The following SNRPN variants were observed in gnomAD, a reference collection of about 807,000 sequenced individuals.
The protein encoded by SNRPN is small nuclear ribonucleoprotein polypeptide N, also known as small nuclear ribonucleoprotein-associated protein N.
SNRPN carries 7 observed loss-of-function variants against 25.2 expected under a neutral mutation model. The ratio of observed to expected loss-of-function variants is 0.28; its 90% confidence interval spans 0.16 to 0.52. SNRPN has a LOEUF of 0.52. Ranked by LOEUF, SNRPN falls within the 20% of genes least tolerant of loss-of-function variation. The probability of loss-of-function intolerance (pLI) is 0.96; values close to 1 mark genes in which losing one functional copy is unlikely to be tolerated. For missense variants in SNRPN, 196 were observed against 322.5 expected (o/e 0.61, Z 3.00); for synonymous variants, 124 against 110.6 (o/e 1.12, Z -0.76).
upstream of SNRPN, among the ~76,000 whole-genome samples, chr15:24,852,650 C>T (rs1190472491): frequency 6.6e-6 from 1 of 152,176 alleles, no homozygotes; most frequent in Non-Finnish European, 1.5e-5. Flanking sequence ...GACGCAGTGG[C>T]TTATGCCTAT....
At chr15:24,975,671 G>T (rs1023027619) in intron 5 of SNRPN, among the ~76,000 whole-genome samples, 162 bp downstream of exon 5, 1 of 152,236 alleles carries the variant, frequency 6.6e-6, no homozygotes, top group Admixed American at 6.5e-5. Flanking sequence ...AATTAGGTCA[G>T]AGTCTGCATC....
intron 1 of SNRPN, among the ~76,000 whole-genome samples, chr15:24,960,112 A>G (rs563457467): frequency 6.6e-6 from 1 of 152,044 alleles, no homozygotes; most frequent in Non-Finnish European, 1.5e-5. Context: ...TATAAATACA[A>G]AAATTAGCTG....
At chr15:24,903,258 A>G (rs1330673304) in intron 2 of SNRPN, among the ~76,000 whole-genome samples, 1 of 152,190 alleles carries the variant, frequency 6.6e-6, no homozygotes, top group Non-Finnish European at 1.5e-5. Context: ...ATATGTTTAG[A>G]TACATTCATT....
chr15:24,922,919 G>GTTTTTTTTT (rs2060118953), intron 3 of SNRPN, among the ~76,000 whole-genome samples: 2 of 111,608 alleles, frequency 1.8e-5, no homozygotes, highest in Admixed American at 1.2e-4. Flanking sequence ...TTTTTTTTGG[G>GTTTTTTTTT]AAGACAGAGT....
chr15:24,930,942 T>A (rs1236576124), intron 3 of SNRPN, among the ~76,000 whole-genome samples: 1 of 149,700 alleles, frequency 6.7e-6, no homozygotes. Flanking sequence ...GGTGCACACC[T>A]GTAGTCCCAG....
intron 3 of SNRPN, among the ~76,000 whole-genome samples, chr15:24,946,349 G>C (rs1361152781): frequency 1.3e-5 from 2 of 152,184 alleles, no homozygotes; most frequent in African/African-American, 4.8e-5. Flanking sequence ...CGAGGCTGCA[G>C]TGACCCATGA....
rs551000242 is a variant in SNRPN at position 24,833,541 on chromosome 15, T to C, written c.-579+3636T>C. Reference sequence around the variant, plus strand: ...AGGAAGATTAATAGAAGAAAAGGTATGTAAAATTTTATTTTAAATTGCATA... The same window carrying C: ...AGGAAGATTAATAGAAGAAAAGGTACGTAAAATTTTATTTTAAATTGCATA... On this transcript the variant is annotated intron_variant, in intron 2 of 12. Coordinates refer to the SNRPN transcript ENST00000400100. 3.2e-4 allele frequency among the ~76,000 whole-genome samples: 48 copies of C among 152,210 alleles called. 2 individuals are homozygous for C. Among genetic ancestry groups the C allele is most frequent in the Admixed American group, 1.0e-3 (16 of 15,296 alleles).
intron 3 of SNRPN, among the ~76,000 whole-genome samples, chr15:24,939,497 A>G (rs1254102868): frequency 1.3e-5 from 2 of 152,126 alleles, no homozygotes; most frequent in African/African-American, 2.4e-5. Flanking sequence ...CAATGGCCCA[A>G]TCTCGGCTCA....
chr15:24,861,439 T>A (rs1343713030), intron 1 of SNRPN, among the ~76,000 whole-genome samples: 1 of 152,196 alleles, frequency 6.6e-6, no homozygotes, highest in Non-Finnish European at 1.5e-5. Flanking sequence ...TGTTCAGTTG[T>A]ATAGGGCAGT....
At chr15:24,973,385 G>A (rs1322992341) in intron 3 of SNRPN, among the ~76,000 whole-genome samples, 8 of 151,958 alleles carry the variant, frequency 5.3e-5, no homozygotes, top group Admixed American at 3.9e-4. Flanking sequence ...TCCCCATTAC[G>A]TGACTTATTT....
chr15:24,976,618 A>G (rs914254103), intron 6 of SNRPN, among the ~76,000 whole-genome samples: 19 of 152,336 alleles, frequency 1.2e-4, no homozygotes, highest in African/African-American at 4.6e-4. Flanking sequence ...GCTGGGCATT[A>G]CCTAGGTAAG....
At chr15:24,954,298 G>A (rs149069019), upstream of SNRPN, among the ~76,000 whole-genome samples, 337 of 152,244 alleles carry the variant, frequency 2.2e-3, 1 homozygote, top group African/African-American at 7.5e-3. Context: ...GGCAAAGAAA[G>A]GCTCTCCTAC....
At chr15:24,906,116 T>TTTTTTGTTTTTG (rs1236304083) in intron 2 of SNRPN, among the ~76,000 whole-genome samples, 2 of 151,968 alleles carry the variant, frequency 1.3e-5, no homozygotes. Flanking sequence ...AATCCTGGGT[T>TTTTTTGTTTTTG]TTTTTGTTTT....
intron 3 of SNRPN, among the ~76,000 whole-genome samples, chr15:24,947,355 G>A (rs1195677095): frequency 1.3e-5 from 2 of 152,198 alleles, no homozygotes; most frequent in African/African-American, 4.8e-5. Context: ...CTGAGGCTGG[G>A]TGCGGTGGCT....
chr15:24,884,137 C>T (rs1474518487), intron 1 of SNRPN, among the ~76,000 whole-genome samples: 1 of 88,570 alleles, frequency 1.1e-5, no homozygotes, highest in African/African-American at 5.2e-5. Flanking sequence ...CATGGCATAA[C>T]CCTGCCTCTA....
chr15:24,864,524 A>C (rs745557872), intron 1 of SNRPN, among the ~76,000 whole-genome samples: 1 of 151,712 alleles, frequency 6.6e-6, no homozygotes, highest in South Asian at 2.1e-4. Flanking sequence ...TTGTATTTTT[A>C]GTAGAAACGG....
At chr15:24,934,649 G>A (rs1224829521) in intron 3 of SNRPN, among the ~76,000 whole-genome samples, 1 of 152,140 alleles carries the variant, frequency 6.6e-6, no homozygotes, top group Non-Finnish European at 1.5e-5. Flanking sequence ...ACCTCCACCC[G>A]CCGGGCTCAA....
At chr15:24,835,593 C>CTGT (rs1406998731) in intron 2 of SNRPN, among the ~76,000 whole-genome samples, 1 of 151,996 alleles carries the variant, frequency 6.6e-6, no homozygotes, top group Non-Finnish European at 1.5e-5. Flanking sequence ...GTTGTCTATT[C>CTGT]TGTTTCTCCC....
intron 2 of SNRPN, chr15:24,909,393 A>G: frequency 6.3e-7 from 1 of 1,599,462 alleles, no homozygotes; most frequent in South Asian, 1.1e-5. Flanking sequence ...TCCAAATAGC[A>G]GGTAAAGGCA....
Sources: gnomAD v4.1 joint callset for allele counts (sites outside exome capture counted in the v4.1 genomes callset) on GRCh38, gnomAD v4.1.1 for gene constraint, MANE v1.5 for transcripts, NCBI Gene and HGNC (gene_info 2026-07-23, HGNC 2026-07-21) for gene names.